FOXO3: variants seen among roughly 807,000 people sequenced by gnomAD.
FOXO3 encodes the protein forkhead box protein O3.
A neutral mutation model predicts 41.9 loss-of-function variants in FOXO3; 4 were observed. The ratio of observed to expected loss-of-function variants is 0.10; its 90% CI spans 0.05 to 0.22. The LOEUF (loss-of-function observed/expected upper bound fraction) is 0.22, where lower values mean the gene tolerates loss of function less well. FOXO3 is among the 10% of genes least tolerant of loss of function. The probability of loss-of-function intolerance (pLI) is 1.00; values close to 1 mark genes in which losing one functional copy is unlikely to be tolerated. For missense variants in FOXO3, 534 were observed against 906.8 expected, an observed-to-expected ratio of 0.59 and a Z score of 5.28; for synonymous variants, 318 against 389.3, an observed-to-expected ratio of 0.82 and a Z score of 2.16.
At chr6:108,673,030 G>A (rs1779261465) in intron 2 of FOXO3, among the ~76,000 whole-genome samples, 2 of 152,084 alleles carry the variant, frequency 1.3e-5, no homozygotes, top group Non-Finnish European at 2.9e-5. Flanking sequence ...AATTAATTGG[G>A]GCTTTCATTG....
At chr6:108,623,605 CA>C (rs1777732167) in intron 1 of FOXO3, among the ~76,000 whole-genome samples, 7 of 152,146 alleles carry the variant, frequency 4.6e-5, no homozygotes, top group Admixed American at 4.6e-4. Flanking sequence ...CTGTACTATA[CA>C]AAGCCACATG....
intron 1 of FOXO3, among the ~76,000 whole-genome samples, chr6:108,642,989 A>G (rs1005899555): frequency 6.6e-6 from 1 of 152,238 alleles, no homozygotes; most frequent in African/African-American, 2.4e-5. Flanking sequence ...CACATTTGCA[A>G]GAATCCAGAA....
chr6:108,598,460 A>G (rs1023248090), intron 1 of FOXO3, among the ~76,000 whole-genome samples: 4 of 152,218 alleles, frequency 2.6e-5, no homozygotes, highest in Non-Finnish European at 5.9e-5. Context: ...AGCAGGATAC[A>G]TAAAAAAGAA....
intron 1 of FOXO3, among the ~76,000 whole-genome samples, chr6:108,569,986 G>A (rs1776049093): frequency 1.2e-5 from 1 of 82,740 alleles, no homozygotes; most frequent in South Asian, 3.6e-4. Flanking sequence ...TCCCTTGCGT[G>A]GTTTTTTTTT....
At chr6:108,590,731 A>G (rs765868107) in intron 1 of FOXO3, among the ~76,000 whole-genome samples, 6 of 152,256 alleles carry the variant, frequency 3.9e-5, no homozygotes, top group African/African-American at 7.2e-5. Context: ...TACAATGGCC[A>G]AGAATTAGGA....
rs1778946102 is a variant in FOXO3 at position 108,663,723 on chromosome 6, C to T, written c.890C>T (p.Ser297Leu). ...TCCAAGTGGCCTGGCAGCCCCACGT[C>T]ACGCAGCAGTGATGAGCTGGATGCG... ...QLSKWPGSPT[S>L]RSSDELDAWT... The change falls in exon 2 of 3, where the codon TCA becomes TTA. Residue 297 changes from serine (S) to leucine (L), a missense_variant. By Grantham distance (145) the Ser-to-Leu change is moderately radical. This residue lies in a region of FOXO3 where 185 missense variants were observed against 224.9 expected (regional missense o/e 0.82). Coordinates refer to ENST00000406360, the MANE Select transcript of FOXO3 (RefSeq NM_001455.4). The T allele has an allele frequency of 6.2e-7, 1 of 1,613,572 alleles. No homozygotes were observed. The highest frequency in any genetic ancestry group is 1.7e-5 in the Admixed American group (1 of 59,976).
chr6:108,637,690 CAG>C (rs1778154438), intron 1 of FOXO3, among the ~76,000 whole-genome samples: 1 of 152,036 alleles, frequency 6.6e-6, no homozygotes, highest in Non-Finnish European at 1.5e-5. Context: ...TCAGAGTCAG[CAG>C]TGCATCCTCT....
intron 1 of FOXO3, among the ~76,000 whole-genome samples, chr6:108,577,124 A>G (rs369326686): frequency 2.0e-5 from 3 of 152,050 alleles, no homozygotes; most frequent in African/African-American, 7.2e-5. Flanking sequence ...TTTTTTTGGT[A>G]TATGATTTCA....
chr6:108,665,223 G>A (rs954813709), intron 2 of FOXO3, among the ~76,000 whole-genome samples: 1 of 152,204 alleles, frequency 6.6e-6, no homozygotes, highest in Admixed American at 6.5e-5. Context: ...CTTGATGGAT[G>A]GATGAGAAGA....
chr6:108,637,862 A>G (rs566141066), intron 1 of FOXO3, among the ~76,000 whole-genome samples: 1 of 152,328 alleles, frequency 6.6e-6, no homozygotes, highest in Non-Finnish European at 1.5e-5. Context: ...GTAGCCATTT[A>G]TCAAAAAGAA....
intron 1 of FOXO3, among the ~76,000 whole-genome samples, chr6:108,653,681 A>G (rs1349906999): frequency 3.3e-5 from 5 of 152,174 alleles, no homozygotes; most frequent in Non-Finnish European, 7.4e-5. Context: ...AAGTGATGCT[A>G]AATTCTTGGA....
In FOXO3 at chr6:108,663,819, C is replaced by T; in HGVS notation, c.986C>T (p.Ala329Val). The change falls in exon 2 of 3, where the codon GCA (alanine) becomes GTA (valine). Residue 329 changes from alanine to valine, a missense_variant. Physicochemically the swap from Ala to Val is moderately conservative, Grantham distance 64. This residue lies in a region of FOXO3 where 185 missense variants were observed against 224.9 expected (regional missense o/e 0.82). Coordinates refer to ENST00000406360, the MANE Select transcript of FOXO3 (RefSeq NM_001455.4). The stretch of plus-strand genomic sequence containing the variant: ...AGTGGCCGCCTGTCGCCCATCATGG[C>T]AAGCACAGAGTTGGATGAAGTCCAG... ...TVSGRLSPIM[A>V]STELDEVQDD... 1 of 1,613,874 alleles carries T rather than the reference C, an allele frequency of 6.2e-7. No homozygotes were observed. Among genetic ancestry groups the T allele is most frequent in the South Asian group, 1.1e-5 (1 of 91,056 alleles).
intron 1 of FOXO3, among the ~76,000 whole-genome samples, chr6:108,597,129 C>T (rs1776907794): frequency 6.6e-6 from 1 of 152,102 alleles, no homozygotes; most frequent in African/African-American, 2.4e-5. Context: ...TTAACTTGTC[C>T]CAAAAGGGAA....
At chr6:108,668,372 G>A (rs545147729) in intron 2 of FOXO3, among the ~76,000 whole-genome samples, 1 of 152,218 alleles carries the variant, frequency 6.6e-6, no homozygotes, top group South Asian at 2.1e-4. Flanking sequence ...TACTTTTTTG[G>A]AGGGCTGGCT....
At chr6:108,639,226 T>C (rs1778192492) in intron 1 of FOXO3, among the ~76,000 whole-genome samples, 1 of 152,118 alleles carries the variant, frequency 6.6e-6, no homozygotes, top group African/African-American at 2.4e-5. Flanking sequence ...GAGCACTGGG[T>C]GGGTGAGGCT....
chr6:108,677,870 T>C (rs1045409464), intron 2 of FOXO3, among the ~76,000 whole-genome samples: 12 of 151,998 alleles, frequency 7.9e-5, no homozygotes, highest in African/African-American at 2.9e-4. Context: ...CCCTCTAGAA[T>C]CAACAAGCCA....
chr6:108,570,378 A>G (rs768163215), intron 1 of FOXO3, among the ~76,000 whole-genome samples: 26 of 152,046 alleles, frequency 1.7e-4, no homozygotes, highest in Non-Finnish European at 3.7e-4. Flanking sequence ...CGGTGGCACA[A>G]TCATAGCTCT....
At chr6:108,672,677 T>G (rs1420277532) in intron 2 of FOXO3, among the ~76,000 whole-genome samples, 1 of 152,070 alleles carries the variant, frequency 6.6e-6, no homozygotes, top group African/African-American at 2.4e-5. Context: ...ACAGTCTTGG[T>G]TTGATTGAAG....
chr6:108,593,671 C>G (rs886197019), intron 1 of FOXO3, among the ~76,000 whole-genome samples: 5 of 148,774 alleles, frequency 3.4e-5, no homozygotes, highest in African/African-American at 4.9e-5. Context: ...AGCCACTGAA[C>G]CCGGCCGCCT....
Sources: allele counts gnomAD v4.1 joint callset (sites outside exome capture counted in the v4.1 genomes callset), GRCh38; gene constraint gnomAD v4.1.1; regional missense constraint gnomAD v4.1.1; transcripts MANE v1.5; gene names NCBI Gene and HGNC (gene_info 2026-07-23, HGNC 2026-07-21).